The following INSR variants were observed in gnomAD, a reference collection of about 807,000 sequenced individuals.
INSR encodes the protein insulin receptor, also known as IR.
Under a neutral mutation model 142.6 loss-of-function variants are expected in INSR, and 67 were observed. The observed-to-expected ratio is 0.47, with a 90% CI of 0.39 to 0.58. The LOEUF is 0.58. Among genes scored for constraint, INSR ranks in the 20% least tolerant of loss-of-function variants. The pLI is 0.00. For synonymous variants in INSR, 756 were observed against 743.1 expected (o/e 1.02, Z -0.28); for missense variants, 1,248 against 1,833.2 (o/e 0.68, Z 5.83).
At chr19:7,211,692 A>G (rs1975277539) in intron 2 of INSR, among the ~76,000 whole-genome samples, 1 of 152,230 alleles carries the variant, frequency 6.6e-6, no homozygotes, top group Non-Finnish European at 1.5e-5. Flanking sequence ...CTACTCCCAC[A>G]GACTGAAAGC....
At chr19:7,122,459 A>T in intron 19 of INSR, 155 bp downstream of exon 19, 1 of 820,448 alleles carries the variant, frequency 1.2e-6, no homozygotes, top group South Asian at 1.6e-5. Flanking sequence ...AAACAAAAAG[A>T]CAAAACAAAA....
At chr19:7,244,466 G>C (rs1976466886) in intron 2 of INSR, among the ~76,000 whole-genome samples, 2 of 151,178 alleles carry the variant, frequency 1.3e-5, no homozygotes, top group African/African-American at 4.9e-5. Context: ...TTGGGAGGCA[G>C]AGGTTGCAGT....
At position 7,280,250 on chromosome 19, in the gene INSR, C is replaced by T. The variant is rs567879258; in HGVS notation, c.101-12354G>A. On this transcript the variant is annotated intron_variant, in intron 1 of 21. Transcript: ENST00000302850. ...CTGCACTCCAGCCTGGGCAACAGAG[C>T]GAGACTCCGTCTCATAACAAAAAAC... 3.2e-3 allele frequency among the ~76,000 whole-genome samples: 481 copies of T among 151,090 alleles called. 3 individuals carry two copies. The highest frequency in any genetic ancestry group is 0.011 in the African/African-American group (458 of 41,132).
At chr19:7,151,132 C>CCTTTCTTTTTTCTCTTTCCTTT (rs1568447190) in intron 10 of INSR, among the ~76,000 whole-genome samples, 1,451 of 137,414 alleles carry the variant, frequency 0.011, 21 homozygotes, top group Non-Finnish European at 0.018. Flanking sequence ...CTTTCTCTGT[C>CCTTTCTTTTTTCTCTTTCCTTT]CTTTCTTTCT....
At chr19:7,260,187 C>G (rs1217678741) in intron 2 of INSR, among the ~76,000 whole-genome samples, 1 of 152,122 alleles carries the variant, frequency 6.6e-6, no homozygotes, top group Non-Finnish European at 1.5e-5. Flanking sequence ...CTTTGAGAGA[C>G]TTTGACTCGG....
intron 2 of INSR, among the ~76,000 whole-genome samples, chr19:7,235,837 A>C (rs865785442): frequency 6.6e-6 from 1 of 152,084 alleles, no homozygotes; most frequent in Non-Finnish European, 1.5e-5. Context: ...TAAAAATAAT[A>C]ATAACAATAA....
intron 2 of INSR, among the ~76,000 whole-genome samples, chr19:7,210,806 T>C (rs1401663718): frequency 7.2e-5 from 11 of 152,116 alleles, no homozygotes; most frequent in Non-Finnish European, 2.9e-5. Flanking sequence ...CTCAGCTCAC[T>C]GCAGCCTCTG....
chr19:7,152,290 C>T, intron 10 of INSR: 1 of 270,502 alleles, frequency 3.7e-6, no homozygotes, highest in Non-Finnish European at 7.2e-6. Context: ...ACTTGGGAGG[C>T]TGAGGCACAA....
rs183118235 is a variant in INSR, at chr19:7,233,260, C to T, written c.652+34085G>A. Among the ~76,000 whole-genome samples the T allele has an allele frequency of 3.4e-3, 519 of 152,278 alleles. 2 individuals are homozygous for T. Among genetic ancestry groups the T allele is most frequent in the African/African-American group, 0.012 (490 of 41,556 alleles). ...CCACCCACCTCAGCCTCCCAAAGTG[C>T]TGGGATTACAGGCGTGAGCCACCAT... On this transcript the variant is annotated intron_variant, in intron 2 of 21. Transcript: ENST00000302850.
intron 1 of INSR, among the ~76,000 whole-genome samples, chr19:7,270,862 C>T (rs139162092): frequency 4.5e-3 from 688 of 152,162 alleles, no homozygotes; most frequent in Non-Finnish European, 7.0e-3. Context: ...AGATCAAAAC[C>T]ATCCTGGTTA....
At chr19:7,156,218 C>G (rs1344723224) in intron 9 of INSR, among the ~76,000 whole-genome samples, 1 of 151,348 alleles carries the variant, frequency 6.6e-6, no homozygotes, top group Non-Finnish European at 1.5e-5. Flanking sequence ...CTGCCACCAC[C>G]CTGGCTAATG....
chr19:7,137,291 T>C (rs1382200378), intron 13 of INSR, among the ~76,000 whole-genome samples: 1 of 151,092 alleles, frequency 6.6e-6, no homozygotes, highest in Non-Finnish European at 1.5e-5. Flanking sequence ...AAATCCCTCA[T>C]GCCCAAGCCA....
intron 2 of INSR, among the ~76,000 whole-genome samples, chr19:7,214,215 C>T (rs911844195): frequency 1.3e-5 from 2 of 152,122 alleles, no homozygotes; most frequent in African/African-American, 4.8e-5. Context: ...GACATTTTCC[C>T]CAGAGGGAGG....
intron 1 of INSR, among the ~76,000 whole-genome samples, chr19:7,282,231 G>T (rs1968221457): frequency 6.6e-6 from 1 of 151,992 alleles, no homozygotes; most frequent in African/African-American, 2.4e-5. Context: ...TGGGCGTGGT[G>T]GTGTACGCCT....
At chr19:7,285,508 T>C (rs908215244) in intron 1 of INSR, among the ~76,000 whole-genome samples, 4 of 152,004 alleles carry the variant, frequency 2.6e-5, no homozygotes, top group Admixed American at 2.0e-4. Context: ...TGGTGGTGTG[T>C]GCCTGTAGTC....
At chr19:7,127,478 A>G (rs1393778435) in intron 15 of INSR, among the ~76,000 whole-genome samples, 1 of 152,202 alleles carries the variant, frequency 6.6e-6, no homozygotes, top group Non-Finnish European at 1.5e-5. Flanking sequence ...CCTAACTCTC[A>G]TACTACATTT....
intron 21 of INSR, among the ~76,000 whole-genome samples, chr19:7,118,309 A>G (rs1014089339): frequency 6.6e-6 from 1 of 151,506 alleles, no homozygotes; most frequent in African/African-American, 2.4e-5. Flanking sequence ...TGCCTGACAA[A>G]ATTTTTGTGT....
intron 2 of INSR, among the ~76,000 whole-genome samples, chr19:7,236,628 C>T (rs1350778741): frequency 6.6e-6 from 1 of 152,160 alleles, no homozygotes; most frequent in Non-Finnish European, 1.5e-5. Flanking sequence ...TTATAAATTA[C>T]TTAGTCTCAC....
intron 2 of INSR, among the ~76,000 whole-genome samples, chr19:7,262,387 G>A (rs959994461): frequency 1.3e-5 from 2 of 152,128 alleles, no homozygotes; most frequent in Admixed American, 6.6e-5. Context: ...CAGGAGAATC[G>A]CTTGAACCCG....
Sources: allele counts gnomAD v4.1 joint callset (sites outside exome capture counted in the v4.1 genomes callset), GRCh38; gene constraint gnomAD v4.1.1; transcripts MANE v1.5; gene names NCBI Gene and HGNC (gene_info 2026-07-23, HGNC 2026-07-21).